Variants in AUTS2 observed in about 807,000 individuals in gnomAD.
AUTS2 encodes autism susceptibility gene 2 protein.
In AUTS2, 17 loss-of-function variants were observed where a neutral mutation model predicts 112.4. The ratio of observed to expected loss-of-function variants is 0.15; its 90% CI spans 0.10 to 0.23. The LOEUF is 0.23. AUTS2 is among the 10% of genes least tolerant of loss of function. The pLI, the probability that AUTS2 is intolerant of heterozygous loss-of-function variation, is 1.00. For synonymous variants in AUTS2, 751 were observed against 702.7 expected (o/e 1.07, Z -1.09); for missense variants, 1,510 against 1,701.6 (o/e 0.89, Z 1.98).
chr7:69,837,490 T>A (rs966448061), intron 1 of AUTS2, among the ~76,000 whole-genome samples: 3 of 152,120 alleles, frequency 2.0e-5, no homozygotes, highest in Admixed American at 2.0e-4. Context: ...TGCTTCCTGC[T>A]TCATTATCCC....
intron 4 of AUTS2, among the ~76,000 whole-genome samples, chr7:70,142,694 A>T (rs948315830): frequency 6.6e-6 from 1 of 152,200 alleles, no homozygotes; most frequent in Non-Finnish European, 1.5e-5. Flanking sequence ...GATCATAGAG[A>T]TGAAGCGGTA....
Position 70,162,371 on chromosome 7 carries a change from G to A in AUTS2, c.660+27800G>A, listed in dbSNP as rs1010085547. Among the ~76,000 whole-genome samples the A allele has an allele frequency of 3.8e-5, 5 of 131,210 alleles. No homozygotes were observed. In the Admixed American group the frequency reaches 4.3e-4, roughly 11 times the overall value. 86.1% of individuals were successfully genotyped at this position (131,210 alleles called of 152,430 possible). On this transcript the variant is annotated intron_variant, in intron 4 of 18. Transcript: ENST00000342771. ...TGAGGCAGGAGAATGGCATGAACCC[G>A]GGAGGCGGAGCTTGCAGTGAGCCGA...
intron 4 of AUTS2, among the ~76,000 whole-genome samples, chr7:70,347,948 T>C (rs1026289899): frequency 3.9e-5 from 6 of 152,180 alleles, no homozygotes; most frequent in African/African-American, 1.4e-4. Flanking sequence ...TTCTAGAGTC[T>C]TATCCACAAA....
chr7:70,405,350 G>C (rs187985056), intron 4 of AUTS2, among the ~76,000 whole-genome samples: 1 of 152,336 alleles, frequency 6.6e-6, no homozygotes, highest in East Asian at 1.9e-4. Flanking sequence ...CATAGACTCA[G>C]AGAAAGTCCT....
chr7:70,341,064 A>AGGG (rs1791241322), intron 4 of AUTS2, among the ~76,000 whole-genome samples: 1 of 152,274 alleles, frequency 6.6e-6, no homozygotes, highest in African/African-American at 2.4e-5. Flanking sequence ...GTTTATGTAT[A>AGGG]CTGTATAATG....
intron 5 of AUTS2, among the ~76,000 whole-genome samples, chr7:70,578,081 C>T (rs35748153): frequency 0.091 from 13,816 of 152,222 alleles, 777 homozygotes; most frequent in African/African-American, 0.15. Context: ...CTGCCCGCCT[C>T]GGCCTCTCAA....
At chr7:70,203,358 A>G in intron 4 of AUTS2, among the ~76,000 whole-genome samples, 1 of 148,412 alleles carries the variant, frequency 6.7e-6, no homozygotes. Flanking sequence ...AAAAAAAAAA[A>G]AAAAGAAGTT....
chr7:70,659,642 T>C (rs752321800), intron 5 of AUTS2, among the ~76,000 whole-genome samples: 2 of 152,200 alleles, frequency 1.3e-5, no homozygotes, highest in Non-Finnish European at 2.9e-5. Flanking sequence ...CCAGACACTG[T>C]TGTGGGACCT....
At chr7:70,387,245 G>A (rs1238270875) in intron 4 of AUTS2, among the ~76,000 whole-genome samples, 5 of 152,012 alleles carry the variant, frequency 3.3e-5, no homozygotes, top group South Asian at 2.1e-4. Flanking sequence ...CTCTGCTCCC[G>A]TTACTTTACA....
At position 69,891,774 on chromosome 7, in the gene AUTS2, C is replaced by CTTTTTT. The variant is rs763424098; in HGVS notation, c.310-7480_310-7475dup. ...ATTCATTCACTTTCCAGACAGATAT[C>CTTTTTT]TTTTTTTTTTTTTTTTTTTTTTTTT... is the stretch of plus-strand genomic sequence containing the variant. On this transcript the variant is annotated intron_variant, in intron 1 of 18. Transcript: ENST00000342771. Among the ~76,000 whole-genome samples, 12 of 26,736 alleles carry CTTTTTT rather than the reference C, an allele frequency of 4.5e-4. 5 individuals are homozygous for CTTTTTT. Among genetic ancestry groups the CTTTTTT allele is most frequent in the East Asian group, 2.9e-3 (2 of 682 alleles). 17.5% of individuals were successfully genotyped at this position (26,736 alleles called of 152,430 possible).
intron 5 of AUTS2, among the ~76,000 whole-genome samples, chr7:70,470,295 A>G (rs764628210): frequency 1.4e-4 from 21 of 152,190 alleles, no homozygotes; most frequent in Admixed American, 1.3e-4. Flanking sequence ...CAACAGAGAA[A>G]GGAGCATCAG....
At chr7:70,015,430 G>T (rs971636527) in intron 2 of AUTS2, among the ~76,000 whole-genome samples, 1 of 152,192 alleles carries the variant, frequency 6.6e-6, no homozygotes, top group Non-Finnish European at 1.5e-5. Context: ...GCCATTAAAT[G>T]ACTGAGCTGG....
chr7:70,109,170 A>T (rs977466913), intron 2 of AUTS2, among the ~76,000 whole-genome samples: 1 of 152,242 alleles, frequency 6.6e-6, no homozygotes, highest in Admixed American at 6.5e-5. Context: ...TTTTTTAAAA[A>T]CAGAAAATCA....
chr7:70,158,975 G>T (rs1450353506), intron 4 of AUTS2, among the ~76,000 whole-genome samples: 1 of 151,970 alleles, frequency 6.6e-6, no homozygotes, highest in Non-Finnish European at 1.5e-5. Context: ...TATTTGTTTG[G>T]ACCACAGCAT....
At chr7:69,787,453 G>A (rs1267738347) in intron 1 of AUTS2, among the ~76,000 whole-genome samples, 1 of 152,204 alleles carries the variant, frequency 6.6e-6, no homozygotes, top group Non-Finnish European at 1.5e-5. Flanking sequence ...TTGGCGAGAC[G>A]AGTAGAGCAA....
chr7:70,721,508 C>G (rs892904726), intron 6 of AUTS2, among the ~76,000 whole-genome samples: 1 of 152,122 alleles, frequency 6.6e-6, no homozygotes, highest in African/African-American at 2.4e-5. Context: ...CCATGTTGGC[C>G]AGGCTGGTCT....
intron 4 of AUTS2, among the ~76,000 whole-genome samples, chr7:70,256,779 A>G (rs1239335258): frequency 2.0e-5 from 3 of 152,040 alleles, no homozygotes; most frequent in Non-Finnish European, 4.4e-5. Context: ...GTGTTTTGCC[A>G]TGCTTTTCTT....
intron 4 of AUTS2, among the ~76,000 whole-genome samples, chr7:70,337,043 G>C (rs749520973): frequency 6.6e-6 from 1 of 152,136 alleles, no homozygotes; most frequent in African/African-American, 2.4e-5. Context: ...CAGCAGACAC[G>C]TACAGGGTGG....
At chr7:69,900,686 G>A (rs1427496493) in intron 2 of AUTS2, among the ~76,000 whole-genome samples, 1 of 152,134 alleles carries the variant, frequency 6.6e-6, no homozygotes, top group African/African-American at 2.4e-5. Context: ...TGGGCAGTTT[G>A]GTGTCAGAAT....
Sources: allele counts gnomAD v4.1 joint callset (sites outside exome capture counted in the v4.1 genomes callset), GRCh38; gene constraint gnomAD v4.1.1; transcripts MANE v1.5; gene names NCBI Gene and HGNC (gene_info 2026-07-23, HGNC 2026-07-21).